The following MARCHF8 variants were observed in gnomAD, a reference collection of about 807,000 sequenced individuals.
MARCHF8 encodes membrane associated ring-CH-type finger 8, also known as E3 ubiquitin-protein ligase MARCHF8.
A neutral mutation model predicts 51.6 loss-of-function variants in MARCHF8; 40 were observed. That is an observed-to-expected ratio of 0.77 (90% CI 0.60 to 1.01). The LOEUF is 1.01. MARCHF8 is among the 50% of genes least tolerant of loss of function. The probability of loss-of-function intolerance (pLI) is 0.00; values close to 1 mark genes in which losing one functional copy is unlikely to be tolerated. For missense variants in MARCHF8, 685 were observed against 708.6 expected (o/e 0.97, Z 0.38); for synonymous variants, 263 against 280.3 (o/e 0.94, Z 0.62).
intron 1 of MARCHF8, among the ~76,000 whole-genome samples, chr10:45,543,334 C>T (rs559961276): frequency 4.6e-5 from 7 of 152,206 alleles, no homozygotes; most frequent in African/African-American, 1.7e-4. Context: ...TGATTTAATC[C>T]ATAACTTTGG....
At chr10:45,537,433 G>A (rs570006476), upstream of MARCHF8, among the ~76,000 whole-genome samples, 5 of 152,052 alleles carry the variant, frequency 3.3e-5, no homozygotes, top group African/African-American at 4.8e-5. Context: ...TGGGTGAATC[G>A]CTTGAGCCCA....
At position 45,512,630 on chromosome 10, in the gene MARCHF8, G is replaced by A. The variant is rs1454843514; in HGVS notation, c.102+20480C>T. ...GGGTCAGCCCCCCGCCCGGCCAGCC[G>A]CCCCGTCCGGGAGGTGAGGGGCGCC... On this transcript the variant is annotated intron_variant, in intron 2 of 7. Transcript: ENST00000453424. Among the ~76,000 whole-genome samples, 31 of 144,284 alleles carry A rather than the reference G, an allele frequency of 2.1e-4. 1 individual carries two copies. Among genetic ancestry groups the A allele is most frequent in the Middle Eastern group, 8.5e-3 (2 of 236 alleles). 94.7% of individuals were successfully genotyped at this position (144,284 alleles called of 152,430 possible).
chr10:45,543,118 G>A (rs2044075246), intron 1 of MARCHF8, among the ~76,000 whole-genome samples: 1 of 152,170 alleles, frequency 6.6e-6, no homozygotes, highest in Non-Finnish European at 1.5e-5. Flanking sequence ...CAGCCCTCAT[G>A]TTATTTGACT....
At chr10:45,577,840 G>T (rs1004472545) in intron 1 of MARCHF8, among the ~76,000 whole-genome samples, 3 of 152,182 alleles carry the variant, frequency 2.0e-5, no homozygotes, top group Non-Finnish European at 4.4e-5. Flanking sequence ...GGAGAATACA[G>T]CAAGATCCCA....
intron 1 of MARCHF8, among the ~76,000 whole-genome samples, chr10:45,541,852 C>A (rs542203698): frequency 6.6e-6 from 1 of 152,214 alleles, no homozygotes; most frequent in South Asian, 2.1e-4. Flanking sequence ...AAGATACATG[C>A]GGCTGCCTAT....
chr10:45,522,566 A>T (rs1564500374), intron 2 of MARCHF8, among the ~76,000 whole-genome samples: 2 of 152,220 alleles, frequency 1.3e-5, no homozygotes, highest in Non-Finnish European at 2.9e-5. Context: ...GTACACAGCT[A>T]GTAATACATA....
rs190277591 is a variant in MARCHF8 at position 45,477,076 on chromosome 10, C to T, written c.153+12291G>A. 3.6e-3 allele frequency among the ~76,000 whole-genome samples: 543 copies of T among 152,128 alleles called. 4 individuals are homozygous for T. Among genetic ancestry groups the T allele is most frequent in the Non-Finnish European group, 6.5e-3 (442 of 67,986 alleles). ...TAGTCAAACAGTCAAAAGTTGAAGC[C>T]TAAAAATAGCAAGAAAAAAGCATCT... On this transcript the variant is annotated intron_variant, in intron 3 of 7. Transcript: ENST00000453424.
intron 2 of MARCHF8, among the ~76,000 whole-genome samples, chr10:45,531,366 G>C (rs1228269931): frequency 1.3e-5 from 2 of 151,974 alleles, no homozygotes; most frequent in African/African-American, 4.8e-5. Flanking sequence ...AAGTCCTTTA[G>C]ACAAAAGAAA....
intron 1 of MARCHF8, among the ~76,000 whole-genome samples, chr10:45,584,126 C>CATAT (rs55978063): frequency 0.035 from 3,017 of 84,996 alleles, 108 homozygotes; most frequent in East Asian, 0.045. Flanking sequence ...TATATACAAT[C>CATAT]ATATATATAT....
intron 2 of MARCHF8, among the ~76,000 whole-genome samples, chr10:45,495,244 A>C (rs1294602481): frequency 1.3e-5 from 2 of 152,182 alleles, no homozygotes; most frequent in East Asian, 3.8e-4. Context: ...TATATCTCTT[A>C]ATTCATTTAG....
At chr10:45,560,368 A>C (rs1230303200) in intron 1 of MARCHF8, among the ~76,000 whole-genome samples, 1 of 152,110 alleles carries the variant, frequency 6.6e-6, no homozygotes, top group East Asian at 1.9e-4. Context: ...AGGTTAGATA[A>C]CAAGGGGATG....
intron 3 of MARCHF8, among the ~76,000 whole-genome samples, chr10:45,477,475 A>T (rs1279315607): frequency 3.9e-5 from 6 of 152,198 alleles, no homozygotes; most frequent in African/African-American, 1.4e-4. Context: ...AACCCACCAA[A>T]CCACAATTAT....
chr10:45,521,717 C>T (rs969088354), intron 2 of MARCHF8, among the ~76,000 whole-genome samples: 4 of 152,220 alleles, frequency 2.6e-5, no homozygotes, highest in Admixed American at 6.5e-5. Context: ...TCTACTGCGA[C>T]GCTTTCTTCA....
rs139187051 is a variant in MARCHF8, at chr10:45,521,000, G to A, written c.102+12110C>T. On this transcript the variant is annotated intron_variant, in intron 2 of 7. Coordinates refer to ENST00000453424, the MANE Select transcript of MARCHF8 (RefSeq NM_001282866.2). Reference sequence around the variant, plus strand: ...ATTGCTTTCTAGTTAATTACCCATCGTAGCAACTAAACCTGTGAACAGCTA... The same window carrying A: ...ATTGCTTTCTAGTTAATTACCCATCATAGCAACTAAACCTGTGAACAGCTA... 2.3e-3 allele frequency among the ~76,000 whole-genome samples: 348 copies of A among 152,128 alleles called. 2 individuals carry two copies. Among genetic ancestry groups the A allele is most frequent in the Admixed American group, 5.4e-3 (82 of 15,286 alleles).
chr10:45,545,165 A>G (rs1435678052), intron 1 of MARCHF8, among the ~76,000 whole-genome samples: 1 of 152,282 alleles, frequency 6.6e-6, no homozygotes, highest in African/African-American at 2.4e-5. Flanking sequence ...ACATTTATTG[A>G]GTTCTTTAAT....
chr10:45,483,918 G>A (rs1271536291), intron 3 of MARCHF8, among the ~76,000 whole-genome samples: 1 of 152,106 alleles, frequency 6.6e-6, no homozygotes, highest in Non-Finnish European at 1.5e-5. Context: ...GGCAGGAGTG[G>A]GGGATAAAGA....
intron 1 of MARCHF8, among the ~76,000 whole-genome samples, chr10:45,555,225 T>A (rs1454717308): frequency 6.6e-6 from 1 of 151,900 alleles, no homozygotes; most frequent in East Asian, 1.9e-4. Flanking sequence ...GCAACACTCT[T>A]GTCTCAAGAA....
intron 1 of MARCHF8, among the ~76,000 whole-genome samples, chr10:45,590,360 C>T (rs1254843280): frequency 1.3e-5 from 2 of 152,078 alleles, no homozygotes; most frequent in African/African-American, 4.8e-5. Flanking sequence ...TGGATACTTA[C>T]TCTGGATACT....
chr10:45,463,128 A>ATTCT (rs1314342244), intron 5 of MARCHF8, 23 bp downstream of exon 5: 1 of 1,539,376 alleles, frequency 6.5e-7, no homozygotes, highest in African/African-American at 1.4e-5. Flanking sequence ...GATGGCTAGA[A>ATTCT]TGGCACTTCC....
Sources: gnomAD v4.1 joint callset for allele counts (sites outside exome capture counted in the v4.1 genomes callset) on GRCh38, gnomAD v4.1.1 for gene constraint, MANE v1.5 for transcripts, NCBI Gene and HGNC (gene_info 2026-07-23, HGNC 2026-07-21) for gene names.